The following TAB2 variants were observed in gnomAD, a reference collection of about 807,000 sequenced individuals.
TAB2 encodes TGF-beta activated kinase 1 (MAP3K7) binding protein 2.
In TAB2, 3 loss-of-function variants were observed where a neutral mutation model predicts 65.0. The ratio of observed to expected loss-of-function variants is 0.05; its 90% CI spans 0.02 to 0.12. TAB2 has a LOEUF of 0.12. Among genes scored for constraint, TAB2 ranks in the 10% least tolerant of loss-of-function variants. The pLI is 1.00. For synonymous variants in TAB2, 298 were observed against 285.1 expected, an observed-to-expected ratio of 1.05 and a Z score of -0.46; for missense variants, 623 against 840.3, an observed-to-expected ratio of 0.74 and a Z score of 3.20.
At chr6:149,239,963 C>A (rs905496100) in intron 1 of TAB2, among the ~76,000 whole-genome samples, 1 of 152,078 alleles carries the variant, frequency 6.6e-6, no homozygotes, top group Non-Finnish European at 1.5e-5. Context: ...GAAGCATACT[C>A]CAAAATGAAA....
intron 2 of TAB2, 54 bp downstream of exon 2, chr6:149,370,153 A>T: frequency 6.9e-7 from 1 of 1,454,394 alleles, no homozygotes; most frequent in Non-Finnish European, 9.6e-7. Context: ...ATTTTTTTAA[A>T]CATTGGAAGA....
intron 6 of TAB2, chr6:149,400,639 C>A: frequency 1.2e-6 from 2 of 1,614,188 alleles, no homozygotes; most frequent in Non-Finnish European, 1.7e-6. Context: ...GATGAAGATA[C>A]AATTGATGTG....
intron 1 of TAB2, among the ~76,000 whole-genome samples, chr6:149,295,200 C>G (rs1275445536): frequency 6.6e-6 from 1 of 152,160 alleles, no homozygotes; most frequent in Non-Finnish European, 1.5e-5. Flanking sequence ...GTAGAGCTGC[C>G]GGTGAAGCTA....
intron 3 of TAB2, among the ~76,000 whole-genome samples, chr6:149,388,836 A>T (rs1452870946): frequency 1.3e-5 from 2 of 151,336 alleles, no homozygotes; most frequent in Non-Finnish European, 2.9e-5. Flanking sequence ...TGCCTTATAA[A>T]TTTTTTACTT....
In TAB2 at chr6:149,409,573, AC is replaced by A; in HGVS notation, c.1940-3del. On this transcript the variant is annotated splice_polypyrimidine_tract_variant and splice_region_variant and intron_variant, in intron 6 of 6. Transcript: ENST00000637181. ...TTATAAAATAATTTTTTTCTTTCTTACAGATCAAAGGTCCATCATCAAAACA... is the reference window on the plus strand; with the variant it reads ...TTATAAAATAATTTTTTTCTTTCTTAAGATCAAAGGTCCATCATCAAAACA... 6.2e-7 allele frequency: 1 copy of A among 1,612,676 alleles called. No homozygotes were observed. Among genetic ancestry groups the A allele is most frequent in the Non-Finnish European group, 8.5e-7 (1 of 1,179,052 alleles).
intron 1 of TAB2, among the ~76,000 whole-genome samples, chr6:149,330,321 T>C (rs1431907573): frequency 1.3e-5 from 2 of 152,178 alleles, no homozygotes; most frequent in Non-Finnish European, 2.9e-5. Context: ...TTCCCAAGAG[T>C]GCAGTTGTTG....
intron 1 of TAB2, among the ~76,000 whole-genome samples, chr6:149,277,850 T>C (rs1033283750): frequency 6.6e-6 from 1 of 152,210 alleles, no homozygotes; most frequent in Non-Finnish European, 1.5e-5. Context: ...AGGCATCATA[T>C]TCATTTTAGT....
At chr6:149,341,895 T>C (rs1432241594) in intron 1 of TAB2, among the ~76,000 whole-genome samples, 1 of 152,088 alleles carries the variant, frequency 6.6e-6, no homozygotes, top group African/African-American at 2.4e-5. Flanking sequence ...TGCCTAAGGG[T>C]ACCAGCCTAC....
intron 1 of TAB2, among the ~76,000 whole-genome samples, chr6:149,260,368 C>T (rs1354015306): frequency 6.6e-6 from 1 of 152,162 alleles, no homozygotes; most frequent in African/African-American, 2.4e-5. Flanking sequence ...TCTCAGGGTT[C>T]GGCTTTGGAG....
At chr6:149,379,604 A>C in intron 3 of TAB2, 86 bp downstream of exon 3, 1 of 1,299,064 alleles carries the variant, frequency 7.7e-7, no homozygotes, top group Non-Finnish European at 1.1e-6. Flanking sequence ...GGATGTTAGC[A>C]TTGTTATTTC....
chr6:149,294,925 A>G (rs1032235673), intron 1 of TAB2, among the ~76,000 whole-genome samples: 1 of 152,244 alleles, frequency 6.6e-6, no homozygotes, highest in Admixed American at 6.5e-5. Flanking sequence ...ATGAAAATAT[A>G]AGGCTGTTAA....
At chr6:149,236,316 A>G (rs1777493228) in intron 1 of TAB2, among the ~76,000 whole-genome samples, 1 of 152,248 alleles carries the variant, frequency 6.6e-6, no homozygotes, top group Admixed American at 6.5e-5. Context: ...TCACAGGATC[A>G]AACAATAGGA....
rs34121216 is a variant in TAB2 at position 149,410,655 on chromosome 6, G to T, written c.*936G>T. 2,403 of 152,760 alleles carry T rather than the reference G, an allele frequency of 0.016. 51 individuals are homozygous for T. Among genetic ancestry groups the T allele is most frequent in the South Asian group, 0.096 (465 of 4,826 alleles). 9.5% of individuals were successfully genotyped at this position (152,760 alleles called of 1,614,324 possible). A position where few individuals can be genotyped will look rare whatever the true frequency, so the allele number is the denominator to read the frequency against. On this transcript the variant is annotated 3_prime_UTR_variant, in exon 7 of 7. Coordinates refer to ENST00000637181, the MANE Select transcript of TAB2 (RefSeq NM_001292034.3). Reference sequence around the variant, plus strand: ...AGATGCTGCACAGTGAATTGCAGATGATATTACAGAAGTGATGTCTGTAGG... The same window carrying T: ...AGATGCTGCACAGTGAATTGCAGATTATATTACAGAAGTGATGTCTGTAGG...
rs774321999 is a variant in TAB2, at chr6:149,378,916, A to G, written c.1001A>G (p.Gln334Arg). The change falls in exon 3 of 7, where the codon CAA becomes CGA. Residue 334 changes from glutamine (Q) to arginine (R), a missense_variant. By Grantham distance (43) the Gln-to-Arg change is conservative. Around this residue, in one of 3 missense-constraint regions of TAB2, gnomAD observed 550 missense variants for 665.7 expected, o/e 0.83. Coordinates refer to ENST00000637181, the MANE Select transcript of TAB2 (RefSeq NM_001292034.3). Reference sequence around the variant, plus strand: ...ATTGAAATCAAACTTGAACCCCCACAAAGAAATAATTCTTCAAAACTGCGT... The same window carrying G: ...ATTGAAATCAAACTTGAACCCCCACGAAGAAATAATTCTTCAAAACTGCGT... ...NQIEIKLEPP[Q>R]RNNSSKLRSS... 1.2e-6 allele frequency: 2 copies of G among 1,614,166 alleles called. No homozygotes were observed. Among genetic ancestry groups the G allele is most frequent in the South Asian group, 1.1e-5 (1 of 91,088 alleles).
chr6:149,288,747 G>C (rs1165775523), intron 1 of TAB2, among the ~76,000 whole-genome samples: 1 of 151,926 alleles, frequency 6.6e-6, no homozygotes, highest in East Asian at 1.9e-4. Context: ...ACTAACATTA[G>C]TTCTTTGTAA....
At chr6:149,373,812 TAA>T in intron 2 of TAB2, among the ~76,000 whole-genome samples, 1 of 152,186 alleles carries the variant, frequency 6.6e-6, no homozygotes, top group Non-Finnish European at 1.5e-5. Flanking sequence ...CCTTTCTCAC[TAA>T]AAGTAACCAG....
intron 5 of TAB2, 80 bp downstream of exon 5, chr6:149,398,142 T>C (rs1297556510): frequency 1.8e-6 from 2 of 1,139,612 alleles, no homozygotes; most frequent in Non-Finnish European, 1.3e-6. Flanking sequence ...AACAGACTTA[T>C]CAATCATAAT....
intron 1 of TAB2, chr6:149,243,667 A>T (rs1200670630): frequency 6.6e-6 from 1 of 152,212 alleles, no homozygotes; most frequent in African/African-American, 2.4e-5. Context: ...CTCAGAATAG[A>T]TTCTTTGAAA....
intron 1 of TAB2, among the ~76,000 whole-genome samples, chr6:149,259,589 T>C (rs967180708): frequency 6.6e-6 from 1 of 152,214 alleles, no homozygotes; most frequent in Non-Finnish European, 1.5e-5. Context: ...GCATTTAGCA[T>C]TGCCCAACCT....
Sources: allele counts gnomAD v4.1 joint callset (sites outside exome capture counted in the v4.1 genomes callset), GRCh38; gene constraint gnomAD v4.1.1; regional missense constraint gnomAD v4.1.1; transcripts MANE v1.5; gene names NCBI Gene and HGNC (gene_info 2026-07-23, HGNC 2026-07-21).